FSTL5: variants seen among roughly 807,000 people sequenced by gnomAD.
The protein encoded by FSTL5 is follistatin-related protein 5.
FSTL5 carries 62 observed loss-of-function variants against 89.1 expected under a neutral mutation model. That is an observed-to-expected ratio of 0.70 (90% CI 0.57 to 0.86). The LOEUF is 0.86. Ranked by LOEUF, FSTL5 falls within the 40% of genes least tolerant of loss-of-function variation. The pLI, the probability that FSTL5 is intolerant of heterozygous loss-of-function variation, is 0.00. For missense variants in FSTL5, 1,057 were observed against 1,001.6 expected (o/e 1.06, Z -0.75); for synonymous variants, 383 against 346.2 (o/e 1.11, Z -1.18).
chr4:162,066,355 C>CTTCTTCTT (rs1553996329), intron 2 of FSTL5, among the ~76,000 whole-genome samples: 24 of 61,174 alleles, frequency 3.9e-4, no homozygotes, highest in African/African-American at 8.6e-4. Flanking sequence ...TTCTTCTTCT[C>CTTCTTCTT]CTTCTTCTTC....
intron 8 of FSTL5, among the ~76,000 whole-genome samples, chr4:161,570,601 G>A (rs1732971959): frequency 6.6e-6 from 1 of 152,050 alleles, no homozygotes; most frequent in African/African-American, 2.4e-5. Flanking sequence ...GCATGAAGTT[G>A]GGGACACATA....
intron 15 of FSTL5, chr4:161,387,683 A>C (rs1730692484): frequency 6.6e-6 from 1 of 152,058 alleles, no homozygotes; most frequent in Non-Finnish European, 1.5e-5. Flanking sequence ...AAAATAAAAT[A>C]TTCTCAAAAT....
chr4:161,742,381 C>T (rs1194629643), intron 6 of FSTL5, among the ~76,000 whole-genome samples: 1 of 152,150 alleles, frequency 6.6e-6, no homozygotes, highest in Non-Finnish European at 1.5e-5. Flanking sequence ...ACTATGAAGA[C>T]TCATATTGAG....
In FSTL5 at chr4:161,947,678, A is replaced by T. The variant is rs543044546; in HGVS notation, c.161-27026T>A. On this transcript the variant is annotated intron_variant, in intron 3 of 15. Coordinates refer to ENST00000306100, the MANE Select transcript of FSTL5 (RefSeq NM_020116.5). ...TCATTTTCTTTTATTTCTTCATTAT[A>T]TGTTTTTCAGAATACTTTGGGCTAG... Among the ~76,000 whole-genome samples the T allele has an allele frequency of 7.2e-3, 1,094 of 152,152 alleles. 16 individuals are homozygous for T. The highest frequency in any genetic ancestry group is 0.025 in the African/African-American group (1,047 of 41,510).
intron 15 of FSTL5, among the ~76,000 whole-genome samples, chr4:161,454,342 C>G (rs894727431): frequency 3.3e-5 from 5 of 152,062 alleles, no homozygotes; most frequent in African/African-American, 1.2e-4. Context: ...CATGATATCC[C>G]AACCTTCTCC....
chr4:161,788,792 A>G (rs1417826726), intron 4 of FSTL5, among the ~76,000 whole-genome samples: 2 of 152,120 alleles, frequency 1.3e-5, no homozygotes, highest in African/African-American at 4.8e-5. Context: ...TAGCTACTCA[A>G]GAGGCTGAGG....
intron 7 of FSTL5, among the ~76,000 whole-genome samples, chr4:161,630,601 T>C (rs1735470442): frequency 6.6e-6 from 1 of 152,212 alleles, no homozygotes. Context: ...TGACAGTGAT[T>C]GGCTATATCA....
chr4:161,874,543 C>A (rs751603219), intron 4 of FSTL5, among the ~76,000 whole-genome samples: 25 of 149,298 alleles, frequency 1.7e-4, no homozygotes, highest in Non-Finnish European at 3.1e-4. Context: ...CTCTCCACAG[C>A]TTCCTTCCAG....
chr4:162,110,943 A>G (rs1731410496), intron 2 of FSTL5, among the ~76,000 whole-genome samples: 1 of 151,986 alleles, frequency 6.6e-6, no homozygotes, highest in East Asian at 1.9e-4. Context: ...CTAAAATCAC[A>G]ATTAATATGG....
intron 6 of FSTL5, among the ~76,000 whole-genome samples, chr4:161,662,329 A>G (rs962542818): frequency 1.3e-5 from 2 of 152,194 alleles, no homozygotes; most frequent in African/African-American, 4.8e-5. Flanking sequence ...GATGAGAAGG[A>G]GCAGAAATAA....
Position 161,661,049 on chromosome 4 carries a change from G to A in FSTL5, c.728-4555C>T, listed in dbSNP as rs1185702918. Among the ~76,000 whole-genome samples the A allele has an allele frequency of 3.9e-5, 6 of 152,090 alleles. No homozygotes were observed. The South Asian group carries it at 6.2e-4, about 16-fold the overall frequency. On this transcript the variant is annotated intron_variant, in intron 6 of 15. Transcript: ENST00000306100. ...GGGAGTGTAAATTAGTTGAACCATC[G>A]TGGAAGACGGTATGGCAATTCCTCA...
At chr4:161,955,398 GAAC>G (rs1399188885) in intron 3 of FSTL5, among the ~76,000 whole-genome samples, 2 of 149,818 alleles carry the variant, frequency 1.3e-5, no homozygotes, top group African/African-American at 4.9e-5. Context: ...TGTATAATGT[GAAC>G]AAAAAAAAAT....
chr4:161,775,454 A>C (rs556733478), intron 5 of FSTL5, among the ~76,000 whole-genome samples: 1 of 152,284 alleles, frequency 6.6e-6, no homozygotes, highest in Admixed American at 6.5e-5. Flanking sequence ...ACACTATCTT[A>C]AATCATTTAT....
chr4:161,910,981 A>T (rs1468749340), intron 4 of FSTL5, among the ~76,000 whole-genome samples: 1 of 152,102 alleles, frequency 6.6e-6, no homozygotes, highest in Non-Finnish European at 1.5e-5. Context: ...TGTTATCCTC[A>T]TCCTTTAAAT....
At chr4:162,057,560 T>C (rs749733468) in intron 2 of FSTL5, among the ~76,000 whole-genome samples, 8 of 152,206 alleles carry the variant, frequency 5.3e-5, no homozygotes, top group Non-Finnish European at 1.2e-4. Context: ...GCAATAAAAA[T>C]GCACCTGTGA....
At chr4:161,998,006 T>C (rs1289301322) in intron 3 of FSTL5, among the ~76,000 whole-genome samples, 1 of 152,164 alleles carries the variant, frequency 6.6e-6, no homozygotes, top group Non-Finnish European at 1.5e-5. Flanking sequence ...AAAGCCACAA[T>C]GGCCTCAAAT....
At chr4:161,716,160 A>G (rs1161412770) in intron 6 of FSTL5, among the ~76,000 whole-genome samples, 3 of 152,236 alleles carry the variant, frequency 2.0e-5, no homozygotes, top group Middle Eastern at 3.4e-3. Flanking sequence ...ACCCTGCCAT[A>G]GGGATTTCAT....
intron 4 of FSTL5, among the ~76,000 whole-genome samples, chr4:161,839,824 C>T (rs1422667837): frequency 1.3e-5 from 2 of 151,962 alleles, no homozygotes; most frequent in African/African-American, 4.8e-5. Context: ...ATTCAAAGGA[C>T]TAAACACTTA....
At chr4:161,928,004 T>A (rs1388346299) in intron 3 of FSTL5, among the ~76,000 whole-genome samples, 1 of 151,726 alleles carries the variant, frequency 6.6e-6, no homozygotes, top group Non-Finnish European at 1.5e-5. Context: ...AGTGTGGTAC[T>A]TCGTTAATAT....
Sources: allele counts gnomAD v4.1 joint callset (sites outside exome capture counted in the v4.1 genomes callset), GRCh38; gene constraint gnomAD v4.1.1; transcripts MANE v1.5; gene names NCBI Gene and HGNC (gene_info 2026-07-23, HGNC 2026-07-21).